The following HIVEP3 variants were observed in gnomAD, a reference collection of about 807,000 sequenced individuals.
HIVEP3 encodes transcription factor HIVEP3.
Under a neutral mutation model 152.8 loss-of-function variants are expected in HIVEP3, and 49 were observed. The observed-to-expected ratio is 0.32, with a 90% CI of 0.26 to 0.41. The LOEUF (loss-of-function observed/expected upper bound fraction) is 0.41. HIVEP3 is among the 10% of genes least tolerant of loss of function. The probability of loss-of-function intolerance (pLI) is 1.00; values close to 1 mark genes in which losing one functional copy is unlikely to be tolerated. For synonymous variants in HIVEP3, 1,269 were observed against 1,289.0 expected (o/e 0.98, Z 0.33); for missense variants, 2,790 against 3,103.3 (o/e 0.90, Z 2.40).
At chr1:41,561,679 A>ATTTTT (rs56969476) in intron 5 of HIVEP3, among the ~76,000 whole-genome samples, 2 of 127,082 alleles carry the variant, frequency 1.6e-5, no homozygotes, top group Non-Finnish European at 1.6e-5. Flanking sequence ...TGCCCAGCTA[A>ATTTTT]TTTTTTTTTT....
intron 1 of HIVEP3, among the ~76,000 whole-genome samples, chr1:41,807,373 G>T (rs1433985329): frequency 6.6e-6 from 1 of 152,160 alleles, no homozygotes; most frequent in Non-Finnish European, 1.5e-5. Flanking sequence ...ACAGAAGAGT[G>T]GAAGGGAAAT....
intron 1 of HIVEP3, among the ~76,000 whole-genome samples, chr1:41,721,029 A>G (rs1023475760): frequency 1.3e-5 from 2 of 152,250 alleles, no homozygotes; most frequent in African/African-American, 4.8e-5. Flanking sequence ...AGTGGGTGCC[A>G]GGAGCTGGGG....
At chr1:41,887,836 A>G (rs1644370093) in intron 1 of HIVEP3, among the ~76,000 whole-genome samples, 1 of 152,188 alleles carries the variant, frequency 6.6e-6, no homozygotes, top group Non-Finnish European at 1.5e-5. Flanking sequence ...TGCACTGTCC[A>G]AAATGGTGGT....
chr1:41,605,553 G>A (rs933552725), intron 3 of HIVEP3, among the ~76,000 whole-genome samples: 2 of 151,848 alleles, frequency 1.3e-5, no homozygotes, highest in Non-Finnish European at 2.9e-5. Flanking sequence ...AGAGAAAAAA[G>A]AACCAAAAAG....
chr1:41,667,418 C>T (rs1003006046), intron 2 of HIVEP3, among the ~76,000 whole-genome samples: 1 of 152,266 alleles, frequency 6.6e-6, no homozygotes, highest in Admixed American at 6.5e-5. Flanking sequence ...TGGCTTTTCA[C>T]CAGCATTTTG....
rs551386969 is a variant in HIVEP3 at position 41,976,171 on chromosome 1, C to T, written n.120-57647G>A. On this transcript the variant is annotated intron_variant and non_coding_transcript_variant, in intron 1 of 3. Coordinates refer to the HIVEP3 transcript ENST00000489103. ...GAGGATAATTTTTGTGTCTATTCCA[C>T]GTGTGACTTGAAAGTTTACCACCAC... is the stretch of plus-strand genomic sequence containing the variant. Among the ~76,000 whole-genome samples, 69 of 152,340 alleles carry T rather than the reference C, an allele frequency of 4.5e-4. 1 individual carries two copies. Among genetic ancestry groups the T allele is most frequent in the African/African-American group, 1.5e-3 (61 of 41,564 alleles).
rs1044771520 is a variant in HIVEP3, at chr1:41,685,905, G to A, written c.-721+15011C>T. 2.6e-5 allele frequency among the ~76,000 whole-genome samples: 4 copies of A among 152,284 alleles called. No homozygotes were observed. The East Asian group carries it at 7.7e-4, about 29-fold the overall frequency. ...CTCCCCCTCTCTCAGGGGCTGGTGT[G>A]TGTTGGAACTGTGTGTAACAGTGGA... On this transcript the variant is annotated intron_variant, in intron 2 of 8. Coordinates refer to ENST00000372583, the MANE Select transcript of HIVEP3 (RefSeq NM_024503.5).
intron 3 of HIVEP3, among the ~76,000 whole-genome samples, chr1:41,596,155 G>A (rs997798019): frequency 1.3e-5 from 2 of 152,094 alleles, no homozygotes; most frequent in Admixed American, 6.5e-5. Context: ...CCAGAATGAC[G>A]AGATAAAGTC....
chr1:41,526,697 ACGCACACT>A (rs1642946365), intron 5 of HIVEP3, among the ~76,000 whole-genome samples: 2 of 31,388 alleles, frequency 6.4e-5, no homozygotes, highest in African/African-American at 1.4e-4. Flanking sequence ...ACTCACCCTC[ACGCACACT>A]CACCCTCACA....
intron 2 of HIVEP3, among the ~76,000 whole-genome samples, chr1:41,638,330 GAA>G (rs1558137225): frequency 1.1e-4 from 4 of 35,420 alleles, no homozygotes; most frequent in African/African-American, 3.1e-4. Context: ...AAGAAAGAAA[GAA>G]AGGGAGAGAG....
intron 2 of HIVEP3, among the ~76,000 whole-genome samples, chr1:41,660,044 G>A (rs948068201): frequency 3.3e-5 from 5 of 152,252 alleles, no homozygotes; most frequent in African/African-American, 1.2e-4. Context: ...GTGGGTGTGT[G>A]TAGAGGAGCA....
At chr1:41,845,990 C>T (rs1245709575) in intron 1 of HIVEP3, among the ~76,000 whole-genome samples, 1 of 152,142 alleles carries the variant, frequency 6.6e-6, no homozygotes, top group Non-Finnish European at 1.5e-5. Flanking sequence ...TTGCTTGAAC[C>T]CGGGAGACAG....
intron 1 of HIVEP3, among the ~76,000 whole-genome samples, chr1:41,825,369 C>T (rs1347356496): frequency 6.6e-6 from 1 of 152,070 alleles, no homozygotes; most frequent in African/African-American, 2.4e-5. Context: ...GGAATGTCAC[C>T]ATGGCTTGAC....
At chr1:41,536,124 T>C (rs1480281791) in intron 5 of HIVEP3, among the ~76,000 whole-genome samples, 1 of 152,046 alleles carries the variant, frequency 6.6e-6, no homozygotes, top group Non-Finnish European at 1.5e-5. Context: ...GGCAAGGTGA[T>C]GGAGGAGGTT....
chr1:42,020,496 A>T (rs1225343479), intron 1 of HIVEP3, among the ~76,000 whole-genome samples: 1 of 152,144 alleles, frequency 6.6e-6, no homozygotes, highest in Non-Finnish European at 1.5e-5. Context: ...TGTTGGCAAA[A>T]ACTGTTCATT....
chr1:41,993,105 TA>T (rs980735934), intron 1 of HIVEP3, among the ~76,000 whole-genome samples: 15 of 151,208 alleles, frequency 9.9e-5, no homozygotes, highest in Middle Eastern at 3.4e-3. Flanking sequence ...ACTTCATGTC[TA>T]AAACACCAAA....
At chr1:41,667,872 C>A (rs952012373) in intron 2 of HIVEP3, among the ~76,000 whole-genome samples, 3 of 152,148 alleles carry the variant, frequency 2.0e-5, no homozygotes, top group East Asian at 1.9e-4. Flanking sequence ...AGAAGCCCCC[C>A]CCAAGCCCCC....
At chr1:41,897,537 T>C (rs142577690) in intron 1 of HIVEP3, among the ~76,000 whole-genome samples, 2 of 152,324 alleles carry the variant, frequency 1.3e-5, no homozygotes, top group Non-Finnish European at 2.9e-5. Context: ...GCTGGTGCCT[T>C]GACCTTGGAC....
chr1:41,583,350 C>A lies in HIVEP3; in HGVS notation c.1448G>T (p.Ser483Ile). The stretch of plus-strand genomic sequence containing the variant: ...CAGTGAGCTCCGCCTTGGCTTCACG[C>A]TGTCGATCTCGCTGGTGTCCACCAC... ...EAVVDTSEID[S>I]VKPRRSSLSR... is the part of the protein sequence containing the mutation. Residue 483 changes from serine to isoleucine, a missense_variant, in exon 4 of 9, where the codon AGC becomes ATC. Ser to Ile is a moderately radical substitution (Grantham distance 142). Around this residue, in one of 9 missense-constraint regions of HIVEP3, gnomAD observed 134 missense variants for 242.5 expected, o/e 0.55. Coordinates refer to ENST00000372583, the MANE Select transcript of HIVEP3 (RefSeq NM_024503.5). This position sits in a 1 kb window ranked among gnomAD's most constrained non-coding sequence, Gnocchi z 6.9. The A allele has an allele frequency of 6.2e-7, 1 of 1,611,826 alleles. No individual in the cohort carries two copies. Among genetic ancestry groups the A allele is most frequent in the Non-Finnish European group, 8.5e-7 (1 of 1,178,724 alleles).
Sources: gnomAD v4.1 joint callset for allele counts (sites outside exome capture counted in the v4.1 genomes callset) on GRCh38, gnomAD v4.1.1 for gene constraint, gnomAD v4.1.1 regional missense constraint, Gnocchi (gnomAD v3.1) non-coding constraint, MANE v1.5 for transcripts, NCBI Gene and HGNC (gene_info 2026-07-23, HGNC 2026-07-21) for gene names.